GRIK3: variants seen among roughly 807,000 people sequenced by gnomAD.
The protein encoded by GRIK3 is glutamate ionotropic receptor kainate type subunit 3.
In GRIK3, 29 loss-of-function variants were observed where a neutral mutation model predicts 102.5. The ratio of observed to expected loss-of-function variants is 0.28; its 90% CI spans 0.21 to 0.39. The LOEUF is 0.39. Ranked by LOEUF, GRIK3 falls within the 10% of genes least tolerant of loss-of-function variation. The probability of loss-of-function intolerance (pLI) is 1.00; values close to 1 mark genes in which losing one functional copy is unlikely to be tolerated. For synonymous variants in GRIK3, 511 were observed against 504.9 expected (o/e 1.01, Z -0.16); for missense variants, 908 against 1,252.4 (o/e 0.73, Z 4.15).
chr1:36,926,460 G>A (rs912564110), intron 1 of GRIK3, among the ~76,000 whole-genome samples: 2 of 151,152 alleles, frequency 1.3e-5, no homozygotes, highest in Non-Finnish European at 2.9e-5. Flanking sequence ...GTATGATCTC[G>A]GCTCACTGCC....
At chr1:36,879,974 CTG>C (rs1418451008) in intron 3 of GRIK3, among the ~76,000 whole-genome samples, 2 of 152,068 alleles carry the variant, frequency 1.3e-5, no homozygotes, top group African/African-American at 4.8e-5. Context: ...GTGCAGGTGT[CTG>C]TGTGTGAGTG....
intron 1 of GRIK3, among the ~76,000 whole-genome samples, chr1:36,904,591 GA>G (rs980767936): frequency 2.6e-5 from 4 of 151,828 alleles, no homozygotes; most frequent in African/African-American, 7.3e-5. Context: ...ACATAATATT[GA>G]AAAAAATAGA....
At position 36,850,225 on chromosome 1, in the gene GRIK3, G is replaced by T. The variant is rs112742551; in HGVS notation, c.1326+86C>A. ...ACCTGCAGCCTCCATCTTCTGGGTG[G>T]GGGGGATAGAGGGGACTCTCCAGCC... On this transcript the variant is annotated intron_variant, in intron 9 of 15. Coordinates refer to ENST00000373091, the MANE Select transcript of GRIK3 (RefSeq NM_000831.4). This position sits in a 1 kb window ranked among gnomAD's most constrained non-coding sequence, Gnocchi z 4.0. 2 of 801,982 alleles carry T rather than the reference G, an allele frequency of 2.5e-6. No individual in the cohort carries two copies. Among genetic ancestry groups the T allele is most frequent in the Admixed American group, 1.9e-5 (1 of 54,050 alleles). 49.7% of individuals were successfully genotyped at this position (801,982 alleles called of 1,614,324 possible). A position where few individuals can be genotyped will look rare whatever the true frequency, so the allele number is the denominator to read the frequency against.
At chr1:36,888,123 C>T (rs1173714179) in intron 2 of GRIK3, among the ~76,000 whole-genome samples, 1 of 151,978 alleles carries the variant, frequency 6.6e-6, no homozygotes, top group African/African-American at 2.4e-5. Context: ...CAGGTAATAG[C>T]CCCAAGCAGA....
At chr1:36,856,637 G>A (rs192099532) in intron 7 of GRIK3, among the ~76,000 whole-genome samples, 4 of 152,298 alleles carry the variant, frequency 2.6e-5, no homozygotes, top group African/African-American at 9.6e-5. Flanking sequence ...GCTATTCTGG[G>A]CCTTAGCCAT....
At chr1:36,990,162 C>T (rs1642349381) in intron 1 of GRIK3, among the ~76,000 whole-genome samples, 1 of 152,082 alleles carries the variant, frequency 6.6e-6, no homozygotes, top group South Asian at 2.1e-4. Context: ...CCTGGTTGAG[C>T]CCTGAGCCCC....
At chr1:36,930,488 A>T (rs1180686103) in intron 1 of GRIK3, among the ~76,000 whole-genome samples, 5 of 152,216 alleles carry the variant, frequency 3.3e-5, no homozygotes, top group Non-Finnish European at 7.3e-5. Context: ...AGATGAGAAA[A>T]TGGAGGCCAA....
Position 36,992,169 on chromosome 1 carries a change from C to G in GRIK3, c.115+41825G>C, listed in dbSNP as rs115878887. On this transcript the variant is annotated intron_variant, in intron 1 of 15. Transcript: ENST00000373091. ...TAGAGATGAACACGATGCCATCTTC[C>G]GCCCTTCCCAAGTTTGGGAAAGCAA... Among the ~76,000 whole-genome samples, 448 of 152,284 alleles carry G rather than the reference C, an allele frequency of 2.9e-3. 1 individual carries two copies. The highest frequency in any genetic ancestry group is 5.0e-3 in the Non-Finnish European group (338 of 68,024).
intron 15 of GRIK3, among the ~76,000 whole-genome samples, chr1:36,802,508 C>T (rs939859219): frequency 2.0e-5 from 3 of 152,178 alleles, no homozygotes; most frequent in Non-Finnish European, 4.4e-5. Flanking sequence ...CCTGGAAGGG[C>T]TTCCAACTAA....
At chr1:36,835,504 A>T (rs1640366602) in intron 10 of GRIK3, among the ~76,000 whole-genome samples, 1 of 152,152 alleles carries the variant, frequency 6.6e-6, no homozygotes, top group South Asian at 2.1e-4. Flanking sequence ...TCAATAACAC[A>T]TCCTTGTGTT....
chr1:36,841,180 G>C (rs1290670569), intron 10 of GRIK3, among the ~76,000 whole-genome samples: 2 of 151,964 alleles, frequency 1.3e-5, no homozygotes, highest in African/African-American at 4.8e-5. Context: ...GCTCCCAGCT[G>C]TCCTCAGTCC....
intron 5 of GRIK3, among the ~76,000 whole-genome samples, chr1:36,862,026 CTA>C: frequency 6.6e-6 from 1 of 152,124 alleles, no homozygotes; most frequent in East Asian, 1.9e-4. Flanking sequence ...GAATAGCACT[CTA>C]TTCTATTTTT....
At chr1:36,882,962 C>T (rs1380564495) in intron 2 of GRIK3, among the ~76,000 whole-genome samples, 1 of 152,212 alleles carries the variant, frequency 6.6e-6, no homozygotes, top group Non-Finnish European at 1.5e-5. Context: ...GCTCACCTAC[C>T]TGTGGACAGG....
rs949316908 is a variant in GRIK3, at chr1:37,034,436, C to A, written c.-328G>T. 6.6e-6 allele frequency among the ~76,000 whole-genome samples: 1 copy of A among 151,136 alleles called. No individual in the cohort carries two copies. The highest frequency in any genetic ancestry group is 1.5e-5 in the Non-Finnish European group (1 of 67,478). Reference sequence around the variant, plus strand: ...GCGGGCTCCCACCTGCCCCGGCTGCCGGGCTCTGGCGGGCGGGCTGCACGC... The same window carrying A: ...GCGGGCTCCCACCTGCCCCGGCTGCAGGGCTCTGGCGGGCGGGCTGCACGC... On this transcript the variant is annotated 5_prime_UTR_variant, in exon 1 of 16. Transcript: ENST00000373091.
chr1:36,881,874 C>G (rs1180044647), intron 2 of GRIK3, among the ~76,000 whole-genome samples: 1 of 152,164 alleles, frequency 6.6e-6, no homozygotes, highest in African/African-American at 2.4e-5. Flanking sequence ...TTCCCTCCCT[C>G]AAAGCATTCA....
intron 1 of GRIK3, among the ~76,000 whole-genome samples, chr1:37,030,583 T>A (rs1434135594): frequency 8.3e-6 from 1 of 120,540 alleles, no homozygotes; most frequent in Non-Finnish European, 1.6e-5. Flanking sequence ...GTCTCTGCAG[T>A]CATTTGGCTT....
chr1:36,860,090 T>A, intron 5 of GRIK3, 73 bp from the exon 6 acceptor site: 1 of 1,258,064 alleles, frequency 7.9e-7, no homozygotes, highest in Non-Finnish European at 1.1e-6. Flanking sequence ...TCCTACCCAC[T>A]CCCTAATCAG....
chr1:36,979,707 G>A (rs1481708861), intron 1 of GRIK3, among the ~76,000 whole-genome samples: 1 of 152,204 alleles, frequency 6.6e-6, no homozygotes, highest in African/African-American at 2.4e-5. Flanking sequence ...CTGGTCAGTG[G>A]TGGCAGGAGC....
chr1:36,944,892 T>A (rs538851907), intron 1 of GRIK3, among the ~76,000 whole-genome samples: 2 of 152,310 alleles, frequency 1.3e-5, no homozygotes, highest in East Asian at 3.9e-4. Flanking sequence ...TAGCGAACAG[T>A]GGCTTGTGCC....
Sources: gnomAD v4.1 joint callset for allele counts (sites outside exome capture counted in the v4.1 genomes callset) on GRCh38, gnomAD v4.1.1 for gene constraint, Gnocchi (gnomAD v3.1) non-coding constraint, MANE v1.5 for transcripts, NCBI Gene and HGNC (gene_info 2026-07-23, HGNC 2026-07-21) for gene names.